ARHGAP42: variants seen among roughly 807,000 people sequenced by gnomAD.
ARHGAP42 encodes the protein rho GTPase-activating protein 42.
Under a neutral mutation model 125.0 loss-of-function variants are expected in ARHGAP42, and 63 were observed. The observed-to-expected ratio is 0.50, with a 90% CI of 0.41 to 0.62. The LOEUF (loss-of-function observed/expected upper bound fraction) is 0.62. Ranked by LOEUF, ARHGAP42 falls within the 20% of genes least tolerant of loss-of-function variation. ARHGAP42 has a pLI of 0.00. For missense variants in ARHGAP42, 766 were observed against 1,024.2 expected (o/e 0.75, Z 3.44); for synonymous variants, 339 against 351.0 (o/e 0.97, Z 0.38).
chr11:100,839,163 G>A (rs3758697), intron 3 of ARHGAP42, among the ~76,000 whole-genome samples: 4,546 of 152,220 alleles, frequency 0.03, 328 homozygotes, highest in East Asian at 0.3. Flanking sequence ...ATTAAATGGA[G>A]AGTGACTTGA....
At chr11:100,774,162 G>C (rs1228364946) in intron 2 of ARHGAP42, among the ~76,000 whole-genome samples, 2 of 152,134 alleles carry the variant, frequency 1.3e-5, no homozygotes, top group African/African-American at 4.8e-5. Context: ...GTAGGAGGAG[G>C]CTCTGAAGAA....
intron 16 of ARHGAP42, among the ~76,000 whole-genome samples, chr11:100,964,085 G>A (rs55712058): frequency 6.6e-6 from 1 of 151,754 alleles, no homozygotes; most frequent in Non-Finnish European, 1.5e-5. Context: ...ACCTAACATA[G>A]CCATATTTAC....
intron 21 of ARHGAP42, among the ~76,000 whole-genome samples, chr11:100,978,594 G>T (rs954885041): frequency 6.6e-6 from 1 of 152,108 alleles, no homozygotes; most frequent in African/African-American, 2.4e-5. Context: ...TTAGCTAAAA[G>T]AATGAACAAC....
chr11:100,742,706 C>T (rs1024442900), intron 1 of ARHGAP42, among the ~76,000 whole-genome samples: 2 of 152,088 alleles, frequency 1.3e-5, no homozygotes, highest in Admixed American at 1.3e-4. Flanking sequence ...TTAATGCCAG[C>T]AGAACTGGGA....
At chr11:100,741,871 C>T (rs1219167522) in intron 1 of ARHGAP42, among the ~76,000 whole-genome samples, 3 of 152,136 alleles carry the variant, frequency 2.0e-5, no homozygotes, top group Non-Finnish European at 4.4e-5. Flanking sequence ...CTAGGGACTG[C>T]AATGTGCAGT....
chr11:100,766,618 C>T (rs1434086317), intron 1 of ARHGAP42, among the ~76,000 whole-genome samples: 2 of 152,174 alleles, frequency 1.3e-5, no homozygotes, highest in Non-Finnish European at 2.9e-5. Flanking sequence ...CTTTCTAATT[C>T]AGAATTGCAC....
intron 4 of ARHGAP42, among the ~76,000 whole-genome samples, chr11:100,887,241 G>A (rs553867629): frequency 3.0e-4 from 45 of 152,210 alleles, no homozygotes; most frequent in African/African-American, 8.9e-4. Context: ...ACCCAGTACC[G>A]TGCTGAGTAC....
chr11:100,871,135 A>G (rs1482340296), intron 4 of ARHGAP42, among the ~76,000 whole-genome samples: 5 of 152,200 alleles, frequency 3.3e-5, no homozygotes, highest in African/African-American at 9.6e-5. Context: ...ACTTTATAAT[A>G]TACATGGAAG....
At chr11:100,783,298 T>C (rs1417298668) in intron 2 of ARHGAP42, among the ~76,000 whole-genome samples, 2 of 152,202 alleles carry the variant, frequency 1.3e-5, no homozygotes, top group Non-Finnish European at 2.9e-5. Flanking sequence ...TATTTGGGCA[T>C]GTTGGTGTGC....
chr11:100,879,908 C>T (rs916622821), intron 4 of ARHGAP42, among the ~76,000 whole-genome samples: 1 of 152,134 alleles, frequency 6.6e-6, no homozygotes, highest in East Asian at 1.9e-4. Flanking sequence ...TGCTGCTTAT[C>T]CTGGATTCTT....
In ARHGAP42 at chr11:100,992,436, C is replaced by T; in HGVS notation, c.*3635C>T. 1 of 1,614,118 alleles carries T rather than the reference C, an allele frequency of 6.2e-7. No individual in the cohort carries two copies. Among genetic ancestry groups the T allele is most frequent in the Non-Finnish European group, 8.5e-7 (1 of 1,179,976 alleles). The stretch of plus-strand genomic sequence containing the variant: ...ACTAAAGGTTTCCCCTTAGGGTACA[C>T]ATTGCTATTTAACTTTGCCTCCTAC... On this transcript the variant is annotated 3_prime_UTR_variant, in exon 24 of 24. Transcript: ENST00000298815.
chr11:100,880,269 C>T (rs1440818040), intron 4 of ARHGAP42, among the ~76,000 whole-genome samples: 1 of 152,112 alleles, frequency 6.6e-6, no homozygotes, highest in African/African-American at 2.4e-5. Context: ...CCCTTTCCCC[C>T]TAAGTCCCCA....
chr11:100,693,765 C>T (rs1459732250), intron 1 of ARHGAP42, among the ~76,000 whole-genome samples: 1 of 152,156 alleles, frequency 6.6e-6, no homozygotes, highest in Non-Finnish European at 1.5e-5. Flanking sequence ...GTCCAGGAAA[C>T]ACAGGTAACC....
chr11:100,746,692 G>A (rs1862315100), intron 1 of ARHGAP42, among the ~76,000 whole-genome samples: 1 of 152,160 alleles, frequency 6.6e-6, no homozygotes. Flanking sequence ...GGTGGAGGAG[G>A]CAGAACAAAG....
chr11:100,705,977 C>CTT (rs34731514), intron 1 of ARHGAP42, among the ~76,000 whole-genome samples: 3,011 of 112,012 alleles, frequency 0.027, 97 homozygotes, highest in Non-Finnish European at 0.037. Context: ...AGTTAAGTAA[C>CTT]TTTTTTTTTT....
At chr11:100,984,771 T>C (rs982997173) in intron 22 of ARHGAP42, among the ~76,000 whole-genome samples, 3 of 152,022 alleles carry the variant, frequency 2.0e-5, no homozygotes, top group Admixed American at 2.0e-4. Flanking sequence ...TCAAAATCTT[T>C]TTCAAAGAGA....
intron 17 of ARHGAP42, among the ~76,000 whole-genome samples, chr11:100,968,053 T>C (rs1858145154): frequency 6.6e-6 from 1 of 152,178 alleles, no homozygotes; most frequent in Non-Finnish European, 1.5e-5. Context: ...TATTTTATCT[T>C]TATCTCTAAT....
At chr11:100,826,683 A>T (rs1054702250) in intron 3 of ARHGAP42, among the ~76,000 whole-genome samples, 42 of 152,186 alleles carry the variant, frequency 2.8e-4, no homozygotes, top group African/African-American at 1.0e-3. Context: ...AAACCCCCAA[A>T]TTTCCTGTTC....
intron 4 of ARHGAP42, among the ~76,000 whole-genome samples, chr11:100,868,251 A>G (rs549105781): frequency 6.6e-6 from 1 of 152,330 alleles, no homozygotes; most frequent in South Asian, 2.1e-4. Context: ...GTACAGTAAA[A>G]CAGAGTAATA....
Sources: gnomAD v4.1 joint callset for allele counts (sites outside exome capture counted in the v4.1 genomes callset) on GRCh38, gnomAD v4.1.1 for gene constraint, MANE v1.5 for transcripts, NCBI Gene and HGNC (gene_info 2026-07-23, HGNC 2026-07-21) for gene names.